Variants in SLC35D2 observed in about 807,000 individuals in gnomAD.
The protein encoded by SLC35D2 is solute carrier family 35 member D2.
SLC35D2 carries 43 observed loss-of-function variants against 41.8 expected under a neutral mutation model. The ratio of observed to expected loss-of-function variants is 1.03; its 90% confidence interval spans 0.81 to 1.33. The LOEUF (loss-of-function observed/expected upper bound fraction) is 1.33, where lower values mean the gene tolerates loss of function less well. Among genes scored for constraint, SLC35D2 ranks in the 40% most tolerant of loss-of-function variants. The pLI is 0.00. For missense variants in SLC35D2, 380 were observed against 408.4 expected, an observed-to-expected ratio of 0.93 and a Z score of 0.60; for synonymous variants, 150 against 163.9, an observed-to-expected ratio of 0.92 and a Z score of 0.65.
intron 8 of SLC35D2, among the ~76,000 whole-genome samples, chr9:96,338,932 G>C (rs1169014628): frequency 6.6e-6 from 1 of 152,104 alleles, no homozygotes; most frequent in Non-Finnish European, 1.5e-5. Context: ...TTCAAACCAA[G>C]GGTAGAAAAA....
intron 1 of SLC35D2, among the ~76,000 whole-genome samples, chr9:96,370,882 T>C (rs1295230995): frequency 6.6e-6 from 1 of 152,014 alleles, no homozygotes; most frequent in Admixed American, 6.6e-5. Context: ...AAAGAAAGCA[T>C]GCAGACCTAA....
intron 6 of SLC35D2, among the ~76,000 whole-genome samples, chr9:96,349,578 T>C (rs1829726214): frequency 6.6e-6 from 1 of 151,730 alleles, no homozygotes; most frequent in South Asian, 2.1e-4. Flanking sequence ...CAGGCTGGAG[T>C]GCAATGGCAC....
At chr9:96,358,158 C>A (rs1419852290) in intron 4 of SLC35D2, among the ~76,000 whole-genome samples, 1 of 140,528 alleles carries the variant, frequency 7.1e-6, no homozygotes, top group Non-Finnish European at 1.5e-5. Flanking sequence ...ATTCTGATAC[C>A]TAATATAACA....
At chr9:96,338,574 T>A (rs908318965) in intron 8 of SLC35D2, among the ~76,000 whole-genome samples, 33 of 132,720 alleles carry the variant, frequency 2.5e-4, no homozygotes, top group African/African-American at 5.4e-4. Context: ...AAAAAAAAAA[T>A]ACACGTTAAA....
At chr9:96,319,737 C>T (rs1828144375), downstream of SLC35D2, among the ~76,000 whole-genome samples, 1 of 152,114 alleles carries the variant, frequency 6.6e-6, no homozygotes, top group South Asian at 2.1e-4. Context: ...TAGGCTCAAG[C>T]GATTTTCCCA....
At chr9:96,375,190 C>G (rs1353223355) in intron 1 of SLC35D2, among the ~76,000 whole-genome samples, 1 of 151,410 alleles carries the variant, frequency 6.6e-6, no homozygotes, top group Non-Finnish European at 1.5e-5. Context: ...TAGGGTTTCA[C>G]CATGGTGGCC....
At chr9:96,342,071 T>C (rs191323482) in intron 8 of SLC35D2, among the ~76,000 whole-genome samples, 2 of 152,034 alleles carry the variant, frequency 1.3e-5, no homozygotes, top group East Asian at 1.9e-4. Context: ...GACAAGCCTC[T>C]AGGACCACTT....
intron 3 of SLC35D2, among the ~76,000 whole-genome samples, chr9:96,363,171 T>A (rs530516190): frequency 5.3e-4 from 78 of 145,862 alleles, no homozygotes; most frequent in African/African-American, 1.8e-3. Context: ...CTGGCTTATT[T>A]TTTTTTTTTT....
intron 10 of SLC35D2, among the ~76,000 whole-genome samples, chr9:96,323,868 G>A (rs1828374982): frequency 6.6e-6 from 1 of 151,984 alleles, no homozygotes; most frequent in South Asian, 2.1e-4. Flanking sequence ...GGAGGTTGCA[G>A]TGAACCAAGA....
intron 11 of SLC35D2, among the ~76,000 whole-genome samples, chr9:96,315,268 C>T (rs553769870): frequency 4.9e-5 from 7 of 141,710 alleles, no homozygotes; most frequent in East Asian, 4.1e-4. Flanking sequence ...TACAGGCATG[C>T]GCCACCATGC....
Position 96,315,559 on chromosome 9 carries a change from G to A in SLC35D2, c.*1036-660C>T, listed in dbSNP as rs199622990. 7.3e-5 allele frequency among the ~76,000 whole-genome samples: 11 copies of A among 150,580 alleles called. No homozygotes were observed. In the East Asian group the frequency reaches 1.2e-3, roughly 16 times the overall value. ...CACCATTCTCCTGCCTCAGCCTCCCGAGTAGCTGGGACTACAGGTGCCTGC... is the reference window on the plus strand; with the variant it reads ...CACCATTCTCCTGCCTCAGCCTCCCAAGTAGCTGGGACTACAGGTGCCTGC... On this transcript the variant is annotated intron_variant and NMD_transcript_variant, in intron 11 of 11. Coordinates refer to the SLC35D2 transcript ENST00000650065.
chr9:96,331,256 C>T (rs1214057597), intron 9 of SLC35D2, among the ~76,000 whole-genome samples: 1 of 152,190 alleles, frequency 6.6e-6, no homozygotes, highest in Non-Finnish European at 1.5e-5. Context: ...AACTAGAAAT[C>T]ATCCCTCTGC....
At chr9:96,346,355 AAC>A (rs371602233) in intron 6 of SLC35D2, among the ~76,000 whole-genome samples, 199 of 152,344 alleles carry the variant, frequency 1.3e-3, no homozygotes, top group African/African-American at 4.6e-3. Context: ...GTTAGAAAGT[AAC>A]TAGGAAACCT....
chr9:96,364,412 A>C, intron 3 of SLC35D2, 52 bp downstream of exon 3: 1 of 1,084,758 alleles, frequency 9.2e-7, no homozygotes, highest in African/African-American at 1.6e-5. Flanking sequence ...TCTAAAATCA[A>C]TGTGTATTTT....
At chr9:96,375,571 T>G (rs1587725675) in intron 1 of SLC35D2, among the ~76,000 whole-genome samples, 1 of 148,312 alleles carries the variant, frequency 6.7e-6, no homozygotes, top group Admixed American at 6.7e-5. Flanking sequence ...AAAGCAAAGC[T>G]CCATCTCAAA....
At chr9:96,328,087 T>C (rs923350372) in intron 9 of SLC35D2, among the ~76,000 whole-genome samples, 9 of 152,222 alleles carry the variant, frequency 5.9e-5, no homozygotes, top group African/African-American at 2.4e-5. Context: ...AAAAGAACCT[T>C]CGTTAACTCA....
chr9:96,378,925 T>C (rs1831070027), intron 1 of SLC35D2, among the ~76,000 whole-genome samples: 1 of 150,886 alleles, frequency 6.6e-6, no homozygotes, highest in African/African-American at 2.4e-5. Flanking sequence ...CAAGACCCAG[T>C]CTCAAAAGAA....
chr9:96,353,809 C>G (rs973962816), intron 4 of SLC35D2, among the ~76,000 whole-genome samples: 3 of 152,220 alleles, frequency 2.0e-5, no homozygotes, highest in African/African-American at 7.2e-5. Flanking sequence ...GCATAGTCAA[C>G]AGACTGCCAG....
intron 8 of SLC35D2, among the ~76,000 whole-genome samples, 158 bp downstream of exon 8, chr9:96,343,746 C>T (rs1829443352): frequency 6.6e-6 from 1 of 152,146 alleles, no homozygotes. Flanking sequence ...AGGGTAGTGC[C>T]AAAAGGTGTT....
Sources: gnomAD v4.1 joint callset for allele counts (sites outside exome capture counted in the v4.1 genomes callset) on GRCh38, gnomAD v4.1.1 for gene constraint, MANE v1.5 for transcripts, NCBI Gene and HGNC (gene_info 2026-07-23, HGNC 2026-07-21) for gene names.